The following ZFPM2 variants were observed in gnomAD, a reference collection of about 807,000 sequenced individuals.
ZFPM2 encodes zinc finger protein ZFPM2.
Under a neutral mutation model 98.6 loss-of-function variants are expected in ZFPM2, and 20 were observed. The ratio of observed to expected loss-of-function variants is 0.20; its 90% CI spans 0.14 to 0.29. ZFPM2 has a LOEUF of 0.29. ZFPM2 is among the 10% of genes least tolerant of loss of function. ZFPM2 has a pLI of 1.00. For synonymous variants in ZFPM2, 518 were observed against 502.7 expected (o/e 1.03, Z -0.41); for missense variants, 1,310 against 1,388.6 (o/e 0.94, Z 0.90).
At chr8:105,509,052 C>T (rs183596681) in intron 3 of ZFPM2, among the ~76,000 whole-genome samples, 2 of 152,020 alleles carry the variant, frequency 1.3e-5, no homozygotes, top group East Asian at 3.9e-4. Context: ...GCGCCGGGCC[C>T]ACAAGATACT....
chr8:105,377,844 T>A (rs1810762166), intron 1 of ZFPM2, among the ~76,000 whole-genome samples: 1 of 152,006 alleles, frequency 6.6e-6, no homozygotes, highest in Non-Finnish European at 1.5e-5. Flanking sequence ...TTACAGAAAT[T>A]TTTTAGGTGC....
At chr8:105,527,957 C>T (rs1457247362) in intron 3 of ZFPM2, among the ~76,000 whole-genome samples, 2 of 152,094 alleles carry the variant, frequency 1.3e-5, no homozygotes, top group Non-Finnish European at 2.9e-5. Context: ...TTCTTCAGTA[C>T]TTGTGGTATG....
rs1554604998 is a variant in ZFPM2, at chr8:105,441,482, G to GAAAGAAAGAAAAAA, written c.200-2787_200-2786insAAAAAAGAAAGAAA. Among the ~76,000 whole-genome samples, 2 of 85,404 alleles carry GAAAGAAAGAAAAAA rather than the reference G, an allele frequency of 2.3e-5. 1 individual carries two copies. The highest frequency in any genetic ancestry group is 1.6e-4 in the African/African-American group (2 of 12,828). 56.0% of individuals were successfully genotyped at this position (85,404 alleles called of 152,430 possible). Reference sequence around the variant, plus strand: ...AGAAAGAAAGAAAGAAAGAAAGAAAGAAAGAAAGAAAGAAAGAAATCAAAG... The same window carrying GAAAGAAAGAAAAAA: ...AGAAAGAAAGAAAGAAAGAAAGAAAGAAAGAAAGAAAAAAAAAGAAAGAAAGAAAGAAATCAAAG... On this transcript the variant is annotated intron_variant, in intron 2 of 7. Coordinates refer to ENST00000407775, the MANE Select transcript of ZFPM2 (RefSeq NM_012082.4).
At chr8:105,645,672 C>G (rs933250755) in intron 5 of ZFPM2, among the ~76,000 whole-genome samples, 1 of 152,096 alleles carries the variant, frequency 6.6e-6, no homozygotes, top group African/African-American at 2.4e-5. Flanking sequence ...AAGCCAAAAA[C>G]AGATACTTTG....
chr8:105,389,414 A>C (rs1218225502), intron 1 of ZFPM2, among the ~76,000 whole-genome samples: 1 of 152,158 alleles, frequency 6.6e-6, no homozygotes, highest in East Asian at 1.9e-4. Context: ...ATAGTGTCAC[A>C]AAAGCCGAGA....
chr8:105,579,487 T>G (rs1483956773), intron 4 of ZFPM2, among the ~76,000 whole-genome samples: 2 of 152,132 alleles, frequency 1.3e-5, no homozygotes, highest in African/African-American at 4.8e-5. Flanking sequence ...AGCAGGGGAC[T>G]GCACTTTCAG....
intron 3 of ZFPM2, among the ~76,000 whole-genome samples, chr8:105,515,911 CTTTTTT>C (rs34183654): frequency 2.2e-5 from 2 of 89,282 alleles, no homozygotes; most frequent in Non-Finnish European, 4.0e-5. Flanking sequence ...AAAACAACTT[CTTTTTT>C]TTTTTTTTTT....
intron 1 of ZFPM2, among the ~76,000 whole-genome samples, chr8:105,330,198 G>T (rs1261423587): frequency 6.6e-6 from 1 of 151,536 alleles, no homozygotes; most frequent in Non-Finnish European, 1.5e-5. Flanking sequence ...ATTTAGGACA[G>T]TTTGATACTC....
In ZFPM2 at chr8:105,795,246, T is replaced by TTGTGTGTGTGTGTG. The variant is rs780534248; in HGVS notation, c.740-3453_740-3440dup. Among the ~76,000 whole-genome samples, 459 of 138,310 alleles carry TTGTGTGTGTGTGTG rather than the reference T, an allele frequency of 3.3e-3. 4 individuals carry two copies. The highest frequency in any genetic ancestry group is 0.01 in the African/African-American group (365 of 36,366). 90.7% of individuals were successfully genotyped at this position (138,310 alleles called of 152,430 possible). On this transcript the variant is annotated intron_variant, in intron 6 of 7. Transcript: ENST00000407775. ...TTGGCTCCTCCCCCTCATTTTATCT[T>TTGTGTGTGTGTGTG]TGTGTGTGTGTGTGTGTGTGTGTGT...
At chr8:105,586,405 A>G (rs1285469647) in intron 4 of ZFPM2, among the ~76,000 whole-genome samples, 2 of 151,464 alleles carry the variant, frequency 1.3e-5, no homozygotes, top group African/African-American at 4.8e-5. Flanking sequence ...TTGTGCTGGA[A>G]TTTTTTTATT....
chr8:105,568,177 G>A (rs143610189), intron 4 of ZFPM2, among the ~76,000 whole-genome samples: 1 of 152,006 alleles, frequency 6.6e-6, no homozygotes, highest in Admixed American at 6.6e-5. Context: ...TCTAACCTTG[G>A]CTTTTTACCC....
chr8:105,482,649 T>C (rs1313228975), intron 3 of ZFPM2, among the ~76,000 whole-genome samples: 3 of 152,198 alleles, frequency 2.0e-5, no homozygotes, highest in Non-Finnish European at 4.4e-5. Context: ...TAGCAAAATC[T>C]ATCATTATTC....
chr8:105,747,106 A>T (rs938414044), intron 5 of ZFPM2, among the ~76,000 whole-genome samples: 10 of 152,102 alleles, frequency 6.6e-5, no homozygotes, highest in African/African-American at 2.4e-4. Flanking sequence ...ATGCAGACTA[A>T]TGCACACATT....
intron 1 of ZFPM2, among the ~76,000 whole-genome samples, chr8:105,330,553 CATATATAT>C (rs61051244): frequency 1.1e-5 from 1 of 92,410 alleles, no homozygotes; most frequent in African/African-American, 3.8e-5. Flanking sequence ...TATATATATA[CATATATAT>C]ATATATACAT....
intron 4 of ZFPM2, among the ~76,000 whole-genome samples, chr8:105,596,526 G>A (rs1815972714): frequency 6.6e-6 from 1 of 151,936 alleles, no homozygotes; most frequent in African/African-American, 2.4e-5. Context: ...CTTTTCCTGT[G>A]AAAACCTTTG....
At chr8:105,353,278 C>T (rs186832487) in intron 1 of ZFPM2, among the ~76,000 whole-genome samples, 58 of 152,280 alleles carry the variant, frequency 3.8e-4, no homozygotes, top group African/African-American at 1.4e-3. Flanking sequence ...ACTCAATTCA[C>T]TCTGTGTTCT....
At chr8:105,517,258 T>G (rs2130531101) in intron 3 of ZFPM2, among the ~76,000 whole-genome samples, 1 of 152,316 alleles carries the variant, frequency 6.6e-6, no homozygotes, top group Admixed American at 6.5e-5. Flanking sequence ...GACATTTGCT[T>G]AATGAATTAT....
chr8:105,597,304 A>C (rs1815992599), intron 4 of ZFPM2, among the ~76,000 whole-genome samples: 1 of 152,118 alleles, frequency 6.6e-6, no homozygotes, highest in African/African-American at 2.4e-5. Flanking sequence ...GGAGTTACAC[A>C]AAATTTGGGT....
At chr8:105,545,141 T>C (rs766108209) in intron 3 of ZFPM2, among the ~76,000 whole-genome samples, 5 of 152,156 alleles carry the variant, frequency 3.3e-5, no homozygotes, top group Admixed American at 1.3e-4. Flanking sequence ...GGAATAACCT[T>C]TGATTTTGAT....
Sources: gnomAD v4.1 joint callset for allele counts (sites outside exome capture counted in the v4.1 genomes callset) on GRCh38, gnomAD v4.1.1 for gene constraint, MANE v1.5 for transcripts, NCBI Gene and HGNC (gene_info 2026-07-23, HGNC 2026-07-21) for gene names.